Variants in ST8SIA6 observed in about 807,000 individuals in gnomAD.
ST8SIA6 encodes ST8 alpha-N-acetyl-neuraminide alpha-2,8-sialyltransferase 6, also known as alpha-2,8-sialyltransferase 8F.
Under a neutral mutation model 33.6 loss-of-function variants are expected in ST8SIA6, and 39 were observed. The observed-to-expected ratio is 1.16, with a 90% CI of 0.90 to 1.52. The LOEUF (loss-of-function observed/expected upper bound fraction) is 1.52. Among genes scored for constraint, ST8SIA6 ranks in the 40% most tolerant of loss-of-function variants. The probability of loss-of-function intolerance (pLI) is 0.00; values close to 1 mark genes in which losing one functional copy is unlikely to be tolerated. For missense variants in ST8SIA6, 441 were observed against 443.8 expected, an observed-to-expected ratio of 0.99 and a Z score of 0.06; for synonymous variants, 172 against 167.2, an observed-to-expected ratio of 1.03 and a Z score of -0.22.
At chr10:17,340,056 A>G (rs1266053321) in intron 4 of ST8SIA6, among the ~76,000 whole-genome samples, 1 of 152,216 alleles carries the variant, frequency 6.6e-6, no homozygotes, top group African/African-American at 2.4e-5. Flanking sequence ...CTATTCCTCT[A>G]AAGCCATTGC....
In ST8SIA6 at chr10:17,317,692, T is replaced by G. The variant is rs1847820735; in HGVS notation, c.*3186A>C. Among the ~76,000 whole-genome samples the G allele has an allele frequency of 6.6e-6, 1 of 152,174 alleles. No homozygotes were observed. Among genetic ancestry groups the G allele is most frequent in the South Asian group, 2.1e-4 (1 of 4,826 alleles). ...GTGATTTACGGTACTTGACATTACATAATACTTAGCTGGTAAATTTTTTAT... is the reference window on the plus strand; with the variant it reads ...GTGATTTACGGTACTTGACATTACAGAATACTTAGCTGGTAAATTTTTTAT... On this transcript the variant is annotated 3_prime_UTR_variant, in exon 8 of 8. Transcript: ENST00000377602.
At chr10:17,334,671 A>G (rs1044472373) in intron 4 of ST8SIA6, among the ~76,000 whole-genome samples, 2 of 152,120 alleles carry the variant, frequency 1.3e-5, no homozygotes, top group African/African-American at 2.4e-5. Flanking sequence ...AGAAATATAC[A>G]GTGAATTTTT....
rs138514730 is a variant in ST8SIA6, at chr10:17,352,740, G to A, written c.377+6774C>T. On this transcript the variant is annotated intron_variant, in intron 4 of 7. Coordinates refer to ENST00000377602, the MANE Select transcript of ST8SIA6 (RefSeq NM_001004470.3). ...GAGGAGCTAGTCCCTAAATGTGCAA[G>A]AGTTAGTTTCTGTTATTAAATACGG... Among the ~76,000 whole-genome samples, 383 of 152,152 alleles carry A rather than the reference G, an allele frequency of 2.5e-3. 2 individuals are homozygous for A. Among genetic ancestry groups the A allele is most frequent in the African/African-American group, 8.9e-3 (369 of 41,552 alleles).
At chr10:17,453,394 G>GCC (rs369936732) in intron 2 of ST8SIA6, among the ~76,000 whole-genome samples, 165 bp downstream of exon 2, 70 of 150,386 alleles carry the variant, frequency 4.7e-4, no homozygotes, top group Non-Finnish European at 8.0e-4. Flanking sequence ...TGTGAAGGGT[G>GCC]CCCCCCCCCA....
rs139518760 is a variant in ST8SIA6 at position 17,334,551 on chromosome 10, A to AATTATTATTATT, written c.378-3011_378-3000dup. Reference sequence around the variant, plus strand: ...GAGACTCCGTTTCAAAAAAAAAAAAAATTATTATTATTATTATAATAATAA... The same window carrying AATTATTATTATT: ...GAGACTCCGTTTCAAAAAAAAAAAAAATTATTATTATTATTATTATTATTATTATAATAATAA... On this transcript the variant is annotated intron_variant, in intron 4 of 7. Coordinates refer to ENST00000377602, the MANE Select transcript of ST8SIA6 (RefSeq NM_001004470.3). Among the ~76,000 whole-genome samples, 8 of 142,782 alleles carry AATTATTATTATT rather than the reference A, an allele frequency of 5.6e-5. No individual in the cohort carries two copies. The East Asian group carries it at 1.0e-3, about 18-fold the overall frequency. 93.7% of individuals were successfully genotyped at this position (142,782 alleles called of 152,430 possible). A position where few individuals can be genotyped will look rare whatever the true frequency, so the allele number is the denominator to read the frequency against.
chr10:17,388,078 C>A (rs1850446880), intron 3 of ST8SIA6, among the ~76,000 whole-genome samples: 1 of 152,198 alleles, frequency 6.6e-6, no homozygotes, highest in African/African-American at 2.4e-5. Flanking sequence ...GGTGGACACC[C>A]CAGTCCTGTC....
intron 4 of ST8SIA6, among the ~76,000 whole-genome samples, chr10:17,353,625 G>T (rs557870968): frequency 1.6e-4 from 25 of 152,072 alleles, no homozygotes; most frequent in Non-Finnish European, 3.1e-4. Context: ...AAACCTGAGG[G>T]GATAATACAA....
At chr10:17,365,132 CAA>C (rs1356940967) in intron 3 of ST8SIA6, among the ~76,000 whole-genome samples, 6 of 152,212 alleles carry the variant, frequency 3.9e-5, no homozygotes, top group Non-Finnish European at 8.8e-5. Context: ...AATAATGCAG[CAA>C]GTTATGTTCA....
At chr10:17,393,325 G>T (rs905803430) in intron 2 of ST8SIA6, among the ~76,000 whole-genome samples, 3 of 152,276 alleles carry the variant, frequency 2.0e-5, no homozygotes, top group East Asian at 3.9e-4. Flanking sequence ...CTAATCCCTC[G>T]TAATAAATCT....
intron 2 of ST8SIA6, among the ~76,000 whole-genome samples, chr10:17,412,089 C>T (rs555778492): frequency 3.3e-5 from 5 of 152,114 alleles, no homozygotes; most frequent in African/African-American, 1.2e-4. Context: ...TCAACTTCTA[C>T]CCCCACTCCA....
chr10:17,427,885 T>C (rs534244132), intron 2 of ST8SIA6, among the ~76,000 whole-genome samples: 15 of 152,346 alleles, frequency 9.8e-5, no homozygotes, highest in African/African-American at 3.6e-4. Flanking sequence ...CCAGGTATCT[T>C]GGATTCATGG....
At chr10:17,365,915 T>C (rs540637911) in intron 3 of ST8SIA6, among the ~76,000 whole-genome samples, 15 of 152,286 alleles carry the variant, frequency 9.8e-5, no homozygotes, top group African/African-American at 3.6e-4. Flanking sequence ...AGTCAGTAGT[T>C]TTCTGAGTGA....
At chr10:17,326,383 G>T (rs1483150325) in intron 6 of ST8SIA6, among the ~76,000 whole-genome samples, 2 of 152,130 alleles carry the variant, frequency 1.3e-5, no homozygotes, top group African/African-American at 4.8e-5. Context: ...CAGTGGAGAT[G>T]CTTTGGTATG....
chr10:17,388,181 A>G (rs1424909539), intron 3 of ST8SIA6, among the ~76,000 whole-genome samples: 1 of 152,140 alleles, frequency 6.6e-6, no homozygotes, highest in Non-Finnish European at 1.5e-5. Flanking sequence ...AAATTGTTAA[A>G]CGGTTTCTCT....
intron 2 of ST8SIA6, among the ~76,000 whole-genome samples, chr10:17,440,148 G>C (rs1852422042): frequency 6.6e-6 from 1 of 151,904 alleles, no homozygotes; most frequent in Non-Finnish European, 1.5e-5. Context: ...GGAGGCAAAG[G>C]GATACTGATT....
At chr10:17,404,269 C>T (rs939124054) in intron 2 of ST8SIA6, among the ~76,000 whole-genome samples, 8 of 151,998 alleles carry the variant, frequency 5.3e-5, no homozygotes, top group African/African-American at 1.7e-4. Flanking sequence ...ATAACATACC[C>T]GAAGTCGCTG....
chr10:17,373,706 T>C (rs1232564485), intron 3 of ST8SIA6, among the ~76,000 whole-genome samples: 1 of 152,220 alleles, frequency 6.6e-6, no homozygotes, highest in African/African-American at 2.4e-5. Context: ...TTGCTATCTT[T>C]CCCGGTGCCA....
chr10:17,390,433 C>T, intron 3 of ST8SIA6, 98 bp downstream of exon 3: 2 of 1,018,204 alleles, frequency 2.0e-6, no homozygotes, highest in Non-Finnish European at 3.0e-6. Context: ...TGAGAGTGAA[C>T]AGTCTCATAT....
rs1847801661 is a variant in ST8SIA6 at position 17,317,221 on chromosome 10, G to A, written c.*3657C>T. On this transcript the variant is annotated 3_prime_UTR_variant, in exon 8 of 8. Coordinates refer to ENST00000377602, the MANE Select transcript of ST8SIA6 (RefSeq NM_001004470.3). ...AGTTTGCCCTGTCTCCATTACATAA[G>A]TAGCGCATCTTTATCATATATCACC... Among the ~76,000 whole-genome samples the A allele has an allele frequency of 6.6e-6, 1 of 152,144 alleles. No individual in the cohort carries two copies. The highest frequency in any genetic ancestry group is 6.5e-5 in the Admixed American group (1 of 15,268).
Sources: allele counts gnomAD v4.1 joint callset (sites outside exome capture counted in the v4.1 genomes callset), GRCh38; gene constraint gnomAD v4.1.1; transcripts MANE v1.5; gene names NCBI Gene and HGNC (gene_info 2026-07-23, HGNC 2026-07-21).